Variants in PCDHGB1 observed in about 807,000 individuals in gnomAD.
PCDHGB1 encodes the protein protocadherin gamma-B1.
In PCDHGB1, 34 loss-of-function variants were observed where a neutral mutation model predicts 56.6. That is an observed-to-expected ratio of 0.60 (90% confidence interval 0.46 to 0.80). The LOEUF (loss-of-function observed/expected upper bound fraction) is 0.80. Among genes scored for constraint, PCDHGB1 ranks in the 30% least tolerant of loss-of-function variants. The pLI, the probability that PCDHGB1 is intolerant of heterozygous loss-of-function variation, is 0.00. For missense variants in PCDHGB1, 1,278 were observed against 1,204.6 expected, an observed-to-expected ratio of 1.06 and a Z score of -0.90; for synonymous variants, 561 against 505.9, an observed-to-expected ratio of 1.11 and a Z score of -1.46.
intron 1 of PCDHGB1, among the ~76,000 whole-genome samples, chr5:141,451,365 G>C (rs557753113): frequency 2.0e-5 from 3 of 152,116 alleles, no homozygotes; most frequent in Non-Finnish European, 4.4e-5. Context: ...GGATGGATCC[G>C]CTTCTAATCT....
chr5:141,389,019 G>T, intron 1 of PCDHGB1: 3 of 1,614,000 alleles, frequency 1.9e-6, no homozygotes, highest in South Asian at 1.1e-5. Context: ...ACACAATGGA[G>T]AAGTGACTTG....
chr5:141,368,549 A>T (rs928426629), intron 1 of PCDHGB1, among the ~76,000 whole-genome samples: 5 of 152,138 alleles, frequency 3.3e-5, no homozygotes, highest in Non-Finnish European at 5.9e-5. Context: ...CATTTTTTTT[A>T]AAAGAAAATG....
Position 141,485,330 on chromosome 5 carries a change from C to T in PCDHGB1, c.2410-9477C>T. On this transcript the variant is annotated intron_variant, in intron 1 of 3. Transcript: ENST00000523390. This position sits in a 1 kb window ranked among gnomAD's most constrained non-coding sequence, Gnocchi z 5.7. ...TGTAGGGAATGTCGCTCAAGATTTC[C>T]TGCTGGATACGGACAGTCTGTCAGC... 6.2e-7 allele frequency: 1 copy of T among 1,614,164 alleles called. No individual in the cohort carries two copies. Among genetic ancestry groups the T allele is most frequent in the East Asian group, 2.2e-5 (1 of 44,862 alleles).
chr5:141,450,490 T>C (rs1480357834), intron 1 of PCDHGB1, among the ~76,000 whole-genome samples: 1 of 152,164 alleles, frequency 6.6e-6, no homozygotes, highest in Non-Finnish European at 1.5e-5. Context: ...TTTGTTTGTC[T>C]GTTTGTTTGT....
chr5:141,430,383 GAAA>G (rs139772145), intron 1 of PCDHGB1, among the ~76,000 whole-genome samples: 9 of 138,566 alleles, frequency 6.5e-5, no homozygotes, highest in African/African-American at 2.4e-4. Context: ...AGCTCATTGG[GAAA>G]AAAAAAAAAA....
At chr5:141,384,048 C>T in intron 1 of PCDHGB1, 2 of 1,611,890 alleles carry the variant, frequency 1.2e-6, no homozygotes, top group Non-Finnish European at 1.7e-6. Context: ...GTGAGGTGAC[C>T]TGCACCATTC....
chr5:141,374,428 T>C, intron 1 of PCDHGB1: 1 of 1,613,952 alleles, frequency 6.2e-7, no homozygotes, highest in Admixed American at 1.7e-5. Flanking sequence ...ATAAACTGAA[T>C]CTTTATCCCG....
intron 1 of PCDHGB1, chr5:141,389,372 G>A: frequency 6.2e-7 from 1 of 1,613,806 alleles, no homozygotes; most frequent in South Asian, 1.1e-5. Flanking sequence ...ACCTGGAGCA[G>A]CGGGAGCTGT....
At chr5:141,375,248 A>G (rs1487300196) in intron 1 of PCDHGB1, 2 of 1,613,948 alleles carry the variant, frequency 1.2e-6, no homozygotes, top group South Asian at 2.2e-5. Flanking sequence ...CATCCCGAGA[A>G]GTCTCCCATT....
chr5:141,350,201 G>A lies in PCDHGB1; in HGVS notation c.-60G>A, dbSNP rs1347326846. 9 of 1,440,752 alleles carry A rather than the reference G, an allele frequency of 6.2e-6. No individual in the cohort carries two copies. The highest frequency in any genetic ancestry group is 8.3e-6 in the Non-Finnish European group (9 of 1,083,680). The allele number at this position is 1,440,752 out of a possible 1,614,324, so 89.2% of individuals were successfully genotyped here. Reference sequence around the variant, plus strand: ...AGCTCAAATCACAGAAGTCCAGGGTGCTGCCATTTCTTTTTGAAAAACATC... The same window carrying A: ...AGCTCAAATCACAGAAGTCCAGGGTACTGCCATTTCTTTTTGAAAAACATC... On this transcript the variant is annotated 5_prime_UTR_variant, in exon 1 of 4. Coordinates refer to ENST00000523390, the MANE Select transcript of PCDHGB1 (RefSeq NM_018922.3).
intron 1 of PCDHGB1, among the ~76,000 whole-genome samples, chr5:141,484,107 A>C (rs13361997): frequency 0.24 from 37,195 of 152,070 alleles, 6,332 homozygotes; most frequent in African/African-American, 0.48. Context: ...TAATTAACAA[A>C]AGATCAAGAA....
intron 1 of PCDHGB1, among the ~76,000 whole-genome samples, chr5:141,468,962 C>T (rs2099187487): frequency 6.7e-6 from 1 of 148,782 alleles, no homozygotes; most frequent in Non-Finnish European, 1.5e-5. Context: ...GTTTTTTTTA[C>T]CTTAGGCTTT....
At chr5:141,423,313 G>A (rs1407028245) in intron 1 of PCDHGB1, 3 of 1,614,184 alleles carry the variant, frequency 1.9e-6, no homozygotes, top group Non-Finnish European at 1.7e-6. Context: ...GTACTTGGTG[G>A]TGGCGGTGGC....
At chr5:141,445,357 G>A (rs115045385) in intron 1 of PCDHGB1, among the ~76,000 whole-genome samples, 18 of 152,258 alleles carry the variant, frequency 1.2e-4, no homozygotes, top group Admixed American at 1.1e-3. Context: ...GTCTGCCCAA[G>A]TCTGGTCCTG....
At chr5:141,444,329 G>A (rs536314842) in intron 1 of PCDHGB1, among the ~76,000 whole-genome samples, 17 of 151,674 alleles carry the variant, frequency 1.1e-4, no homozygotes, top group Admixed American at 1.1e-3. Flanking sequence ...GTGCCACCAC[G>A]CCCAGCTAAT....
intron 1 of PCDHGB1, among the ~76,000 whole-genome samples, chr5:141,467,950 C>T (rs780236016): frequency 2.6e-5 from 4 of 152,290 alleles, no homozygotes; most frequent in Admixed American, 6.5e-5. Context: ...TGAGCCACCA[C>T]ACCCGGCTGC....
At chr5:141,500,488 C>T (rs569168291) in intron 2 of PCDHGB1, among the ~76,000 whole-genome samples, 4 of 152,178 alleles carry the variant, frequency 2.6e-5, no homozygotes, top group South Asian at 2.1e-4. Flanking sequence ...GGATTACAGG[C>T]GTGAGCCACC....
At chr5:141,414,279 A>C in intron 1 of PCDHGB1, 1 of 1,613,350 alleles carries the variant, frequency 6.2e-7, no homozygotes, top group Non-Finnish European at 8.5e-7. Flanking sequence ...CTCTGGGAAC[A>C]GTCGTAGCCC....
intron 1 of PCDHGB1, chr5:141,420,313 C>T (rs751944742): frequency 1.6e-5 from 23 of 1,434,756 alleles, no homozygotes; most frequent in Non-Finnish European, 2.2e-5. Flanking sequence ...TTTTATATTA[C>T]AATATGCCAA....
Sources: gnomAD v4.1 joint callset for allele counts (sites outside exome capture counted in the v4.1 genomes callset) on GRCh38, gnomAD v4.1.1 for gene constraint, Gnocchi (gnomAD v3.1) non-coding constraint, MANE v1.5 for transcripts, NCBI Gene and HGNC (gene_info 2026-07-23, HGNC 2026-07-21) for gene names.